C1QTNF5: variants seen among roughly 807,000 people sequenced by gnomAD.
C1QTNF5 encodes complement C1q tumor necrosis factor-related protein 5.
Under a neutral mutation model 10.9 loss-of-function variants are expected in C1QTNF5, and 5 were observed. The ratio of observed to expected loss-of-function variants is 0.46; its 90% CI spans 0.24 to 0.97. The LOEUF (loss-of-function observed/expected upper bound fraction) is 0.97. C1QTNF5 is among the 50% of genes least tolerant of loss of function. The pLI is 0.19. For missense variants in C1QTNF5, 281 were observed against 339.4 expected (o/e 0.83, Z 1.35); for synonymous variants, 161 against 156.5 (o/e 1.03, Z -0.22).
At chr11:119,345,812 C>T (rs372413718), upstream of C1QTNF5, 9 of 1,613,912 alleles carry the variant, frequency 5.6e-6, no homozygotes, top group African/African-American at 6.7e-5. Flanking sequence ...TCCTGCTGCC[C>T]TTTAGGGGTC....
chr11:119,341,375 G>GT, upstream of C1QTNF5: 5 of 615,942 alleles, frequency 8.1e-6, no homozygotes, highest in Admixed American at 5.9e-5. Context: ...AAGGAGCAGG[G>GT]AGGGTGGTAG....
chr11:119,342,664 C>T, upstream of C1QTNF5: 1 of 1,613,736 alleles, frequency 6.2e-7, no homozygotes, highest in Non-Finnish European at 8.5e-7. Flanking sequence ...CCACATGTCA[C>T]ACATCCACTG....
chr11:119,341,595 T>G, upstream of C1QTNF5: 4 of 1,612,974 alleles, frequency 2.5e-6, no homozygotes, highest in Non-Finnish European at 3.4e-6. Flanking sequence ...GGCAGCCTGT[T>G]GCAGTTGAAG....
chr11:119,346,289 A>G, the C1QTNF5 span: 21 of 1,613,304 alleles, frequency 1.3e-5, no homozygotes, highest in Non-Finnish European at 1.7e-5. Flanking sequence ...GGGAGCTGGG[A>G]CGCTGTAGCT....
Position 119,339,637 on chromosome 11 carries a change from C to G in C1QTNF5, c.426G>C (p.Lys142Asn). ...AGACCCCAGGCACCTGGCAGGTGAA[C>G]TTGCCGGTGACGGCGTCGTAATGTC... ...EQGHYDAVTG[K>N]FTCQVPGVYY... Residue 142 changes from lysine to asparagine, a missense_variant, in exon 3 of 3, where the codon AAG becomes AAC. Coordinates refer to ENST00000528368, the MANE Select transcript of C1QTNF5 (RefSeq NM_001278431.2). This position sits in a 1 kb window ranked among gnomAD's most constrained non-coding sequence, Gnocchi z 5.4. 6.2e-7 allele frequency: 1 copy of G among 1,612,910 alleles called. No homozygotes were observed. Among genetic ancestry groups the G allele is most frequent in the Non-Finnish European group, 8.5e-7 (1 of 1,180,042 alleles).
upstream of C1QTNF5, chr11:119,344,193 G>A: frequency 9.4e-7 from 1 of 1,068,416 alleles, no homozygotes; most frequent in Non-Finnish European, 1.4e-6. Flanking sequence ...TCCCCCGTCT[G>A]CTTGATCTCT....
upstream of C1QTNF5, chr11:119,345,608 T>G (rs776144292): frequency 8.2e-5 from 132 of 1,613,644 alleles, no homozygotes; most frequent in Non-Finnish European, 1.1e-4. Flanking sequence ...AGAAGCCCCT[T>G]GGGCCAGAGA....
chr11:119,345,519 G>C, upstream of C1QTNF5: 1 of 1,614,128 alleles, frequency 6.2e-7, no homozygotes, highest in Non-Finnish European at 8.5e-7. Context: ...GAGCTGTATT[G>C]CATGGTCTGT....
chr11:119,343,710 A>G, upstream of C1QTNF5: 1 of 1,427,852 alleles, frequency 7.0e-7, no homozygotes, highest in Non-Finnish European at 9.8e-7. Context: ...CTGGAGTAGC[A>G]GAAGAAAATG....
chr11:119,340,693 A>G lies in C1QTNF5; in HGVS notation c.-44+2T>C. On this transcript the variant is annotated splice_donor_variant, in intron 1 of 2. Transcript: ENST00000528368. LOFTEE classifies it low-confidence loss of function (5UTR_SPLICE). ...CCCTTTCCCCTCCTCCGCCAGACTCACCCCCCCTCCCGGCTCCCCGATGGC... is the reference window on the plus strand; with the variant it reads ...CCCTTTCCCCTCCTCCGCCAGACTCGCCCCCCCTCCCGGCTCCCCGATGGC... 2.9e-6 allele frequency: 1 copy of G among 344,790 alleles called. No homozygotes were observed. Among genetic ancestry groups the G allele is most frequent in the South Asian group, 3.5e-5 (1 of 28,206 alleles). 21.4% of individuals were successfully genotyped at this position (344,790 alleles called of 1,614,324 possible). A position where few individuals can be genotyped will look rare whatever the true frequency, so the allele number is the denominator to read the frequency against.
chr11:119,346,577 T>G, the C1QTNF5 span: 3 of 1,543,456 alleles, frequency 1.9e-6, no homozygotes, highest in Non-Finnish European at 2.7e-6. Context: ...AAGGGCCCAC[T>G]CGCTGACCAC....
Position 119,340,444 on chromosome 11 carries a change from T to C in C1QTNF5, c.-43-4A>G, listed in dbSNP as rs756380666. The C allele has an allele frequency of 4.5e-5, 69 of 1,523,636 alleles. No individual in the cohort carries two copies. The South Asian group carries it at 7.9e-4, about 17-fold the overall frequency. The allele number at this position is 1,523,636 out of a possible 1,614,324, so 94.4% of individuals were successfully genotyped here. On this transcript the variant is annotated splice_polypyrimidine_tract_variant and splice_region_variant and intron_variant, in intron 1 of 2. Coordinates refer to ENST00000528368, the MANE Select transcript of C1QTNF5 (RefSeq NM_001278431.2). ...GACGCCGGGGTCCTCTCGCAGTCTGTGGACCAGGCAGGACTGGAGTCGGGA... is the reference window on the plus strand; with the variant it reads ...GACGCCGGGGTCCTCTCGCAGTCTGCGGACCAGGCAGGACTGGAGTCGGGA...
chr11:119,344,704 C>T, upstream of C1QTNF5: 1 of 1,614,058 alleles, frequency 6.2e-7, no homozygotes, highest in Non-Finnish European at 8.5e-7. Flanking sequence ...CACACTGAGT[C>T]AGGTAGCAGG....
At chr11:119,344,044 C>T, upstream of C1QTNF5, 2 of 1,579,410 alleles carry the variant, frequency 1.3e-6, no homozygotes, top group Non-Finnish European at 1.7e-6. Context: ...CTTCTTCCCC[C>T]ACTGCTGGCT....
chr11:119,345,532 C>T (rs1486685724), upstream of C1QTNF5: 4 of 1,614,026 alleles, frequency 2.5e-6, no homozygotes, highest in Non-Finnish European at 3.4e-6. Flanking sequence ...TGGTCTGTGG[C>T]CACCTGGATA....
At chr11:119,345,469 G>A (rs766006966), upstream of C1QTNF5, 1 of 1,614,088 alleles carries the variant, frequency 6.2e-7, no homozygotes, top group Admixed American at 1.7e-5. Flanking sequence ...CGATCAAAAA[G>A]GCAAGAGGCC....
chr11:119,342,891 C>T (rs777738320), upstream of C1QTNF5: 1 of 1,613,066 alleles, frequency 6.2e-7, no homozygotes, highest in East Asian at 2.2e-5. Context: ...GCATTGAAGG[C>T]CAGGTAGGTG....
At chr11:119,342,618 G>A (rs766909293), upstream of C1QTNF5, 190 of 1,613,278 alleles carry the variant, frequency 1.2e-4, 4 homozygotes, top group South Asian at 1.6e-3. Context: ...ACAAGGGGCC[G>A]CTGCAGTTGT....
At chr11:119,340,620 CTCCCACCGCCGGCCCGCGCCAGCCTT>C (rs1277961153) in intron 1 of C1QTNF5, 49 bp downstream of exon 1, 1 of 555,418 alleles carries the variant, frequency 1.8e-6, no homozygotes, top group Non-Finnish European at 3.2e-6. Context: ...CCAGCCCTCC[CTCCCACCGCCGGCCCGCGCCAGCCTT>C]TCCCACAGTC....
Sources: gnomAD v4.1 joint callset for allele counts on GRCh38, gnomAD v4.1.1 for gene constraint, Gnocchi (gnomAD v3.1) non-coding constraint, MANE v1.5 for transcripts, NCBI Gene and HGNC (gene_info 2026-07-23, HGNC 2026-07-21) for gene names.